The following HAO2 variants were observed in gnomAD, a reference collection of about 807,000 sequenced individuals.
The protein encoded by HAO2 is 2-Hydroxyacid oxidase 2.
A neutral mutation model predicts 37.4 loss-of-function variants in HAO2; 42 were observed. The observed-to-expected ratio is 1.12, with a 90% CI of 0.88 to 1.45. HAO2 has a LOEUF of 1.45. HAO2 is among the 40% of genes most tolerant of loss of function. The probability of loss-of-function intolerance (pLI) is 0.00; values close to 1 mark genes in which losing one functional copy is unlikely to be tolerated. For synonymous variants in HAO2, 180 were observed against 162.8 expected, an observed-to-expected ratio of 1.11 and a Z score of -0.81; for missense variants, 476 against 430.2, an observed-to-expected ratio of 1.11 and a Z score of -0.94.
chr1:119,370,591 T>G (rs587716425), intron 1 of HAO2, among the ~76,000 whole-genome samples: 1 of 152,342 alleles, frequency 6.6e-6, no homozygotes, highest in South Asian at 2.1e-4. Context: ...AAATAAATTT[T>G]GCACAGAACC....
intron 1 of HAO2, among the ~76,000 whole-genome samples, chr1:119,374,168 C>T (rs1649260431): frequency 6.6e-6 from 1 of 152,202 alleles, no homozygotes; most frequent in Admixed American, 6.5e-5. Flanking sequence ...CTCTCTTCCC[C>T]ATGCTGGGGG....
At chr1:119,389,154 A>G (rs193012557) in intron 5 of HAO2, among the ~76,000 whole-genome samples, 6,008 of 78,910 alleles carry the variant, frequency 0.076, 1,838 homozygotes, top group East Asian at 0.37. Flanking sequence ...ATATATATAT[A>G]TATATATATA....
At chr1:119,374,331 T>A (rs72989676) in intron 1 of HAO2, among the ~76,000 whole-genome samples, 2,999 of 152,294 alleles carry the variant, frequency 0.02, 106 homozygotes, top group African/African-American at 0.066. Flanking sequence ...CAGGGTCTCC[T>A]CTAGCTTCAG....
chr1:119,375,124 G>A (rs1649343372), intron 1 of HAO2, among the ~76,000 whole-genome samples: 1 of 151,582 alleles, frequency 6.6e-6, no homozygotes, highest in Admixed American at 6.6e-5. Context: ...TGGGCAGTAG[G>A]AATAAAAAAG....
intron 6 of HAO2, 154 bp downstream of exon 6, chr1:119,392,422 C>T (rs1650987553): frequency 1.4e-5 from 10 of 732,628 alleles, no homozygotes; most frequent in Non-Finnish European, 2.3e-5. Context: ...TTCTGAAGCC[C>T]ATTGCAAATG....
At chr1:119,388,315 C>T (rs1650553645) in intron 5 of HAO2, among the ~76,000 whole-genome samples, 2 of 152,158 alleles carry the variant, frequency 1.3e-5, no homozygotes, top group South Asian at 4.1e-4. Context: ...TGAAAGAAAG[C>T]TAATAAAATA....
chr1:119,376,984 C>A (rs1241704171), intron 1 of HAO2, among the ~76,000 whole-genome samples: 1 of 152,192 alleles, frequency 6.6e-6, no homozygotes, highest in Admixed American at 6.5e-5. Context: ...TTTGGCTCCT[C>A]GTTACATATG....
At chr1:119,385,634 G>GGA (rs1286502481) in intron 4 of HAO2, 56 of 985,162 alleles carry the variant, frequency 5.7e-5, no homozygotes, top group Non-Finnish European at 6.7e-5. Flanking sequence ...ACTACAAAGG[G>GGA]GACCTTCCCC....
chr1:119,379,931 C>T (rs1202509934), intron 1 of HAO2, among the ~76,000 whole-genome samples: 1 of 152,214 alleles, frequency 6.6e-6, no homozygotes, highest in Non-Finnish European at 1.5e-5. Flanking sequence ...CATCTGGCCT[C>T]TGTGTCCCCT....
At chr1:119,372,915 G>A (rs1311894030) in intron 1 of HAO2, among the ~76,000 whole-genome samples, 3 of 152,194 alleles carry the variant, frequency 2.0e-5, no homozygotes, top group African/African-American at 7.2e-5. Flanking sequence ...GTGTTTATGG[G>A]CAAAGAAAGC....
rs184743815 is a variant in HAO2 at position 119,372,344 on chromosome 1, G to A, written c.-9+3442G>A. On this transcript the variant is annotated intron_variant, in intron 1 of 7. Coordinates refer to ENST00000325945, the MANE Select transcript of HAO2 (RefSeq NM_016527.4). ...TAAGAAATGTTAAGATGCCTTTGAG[G>A]GTATTTTCAAAGGTTTTTGAAGTTC... is the stretch of plus-strand genomic sequence containing the variant. 7.9e-5 allele frequency among the ~76,000 whole-genome samples: 12 copies of A among 152,248 alleles called. No homozygotes were observed. The East Asian group carries it at 1.9e-3, about 24-fold the overall frequency.
In HAO2 at chr1:119,394,117, A is replaced by G; in HGVS notation, c.*277A>G. ...GTAAAAGATCTCAAAAGGACAGATC[A>G]TTAATGACTGGAACCACTAGTGGGT... On this transcript the variant is annotated 3_prime_UTR_variant, in exon 8 of 8. Coordinates refer to ENST00000325945, the MANE Select transcript of HAO2 (RefSeq NM_016527.4). The G allele has an allele frequency of 9.4e-7, 1 of 1,064,274 alleles. No homozygotes were observed. Among genetic ancestry groups the G allele is most frequent in the Non-Finnish European group, 1.2e-6 (1 of 819,970 alleles). 65.9% of individuals were successfully genotyped at this position (1,064,274 alleles called of 1,614,324 possible). A position where few individuals can be genotyped will look rare whatever the true frequency, so the allele number is the denominator to read the frequency against.
intron 1 of HAO2, among the ~76,000 whole-genome samples, chr1:119,370,815 A>G (rs938272689): frequency 1.3e-5 from 2 of 151,798 alleles, no homozygotes; most frequent in Admixed American, 1.3e-4. Context: ...AAAAAACTGC[A>G]CTCCATAGCT....
At chr1:119,386,556 A>G in intron 4 of HAO2, 66 bp from the exon 5 acceptor site, 1 of 974,230 alleles carries the variant, frequency 1.0e-6, no homozygotes, top group Admixed American at 1.7e-5. Context: ...AATGTGTCTC[A>G]TCTTTGGAAT....
At chr1:119,386,563 G>A (rs1285339534) in intron 4 of HAO2, 59 bp from the exon 5 acceptor site, 3 of 1,016,898 alleles carry the variant, frequency 3.0e-6, no homozygotes, top group Non-Finnish European at 3.1e-6. Flanking sequence ...CTCATCTTTG[G>A]AATGCATCAA....
chr1:119,388,213 T>C (rs1650543121), intron 5 of HAO2, among the ~76,000 whole-genome samples: 1 of 152,166 alleles, frequency 6.6e-6, no homozygotes. Context: ...GAGCATAGCA[T>C]GCCCTGGGTC....
At position 119,393,983 on chromosome 1, in the gene HAO2, A is replaced by C; in HGVS notation, c.*143A>C. 1 of 1,496,198 alleles carries C rather than the reference A, an allele frequency of 6.7e-7. No homozygotes were observed. Among genetic ancestry groups the C allele is most frequent in the South Asian group, 1.3e-5 (1 of 78,754 alleles). The allele number at this position is 1,496,198 out of a possible 1,614,324, so 92.7% of individuals were successfully genotyped here. A position where few individuals can be genotyped will look rare whatever the true frequency, so the allele number is the denominator to read the frequency against. On this transcript the variant is annotated 3_prime_UTR_variant, in exon 8 of 8. Coordinates refer to ENST00000325945, the MANE Select transcript of HAO2 (RefSeq NM_016527.4). ...TATTTCCCACATTTCTAATACCACC[A>C]CCCCTGTGCTTCAGGCCCTCCAAAC...
chr1:119,372,748 A>T (rs1455819684), intron 1 of HAO2, among the ~76,000 whole-genome samples: 1 of 152,228 alleles, frequency 6.6e-6, no homozygotes, highest in East Asian at 1.9e-4. Context: ...AAAGACCTCC[A>T]GGCTGGGGAG....
chr1:119,372,714 G>A (rs1252743369), intron 1 of HAO2, among the ~76,000 whole-genome samples: 4 of 152,202 alleles, frequency 2.6e-5, no homozygotes, highest in Non-Finnish European at 4.4e-5. Flanking sequence ...GTGGTGCCAC[G>A]GGACCAGAAA....
Sources: gnomAD v4.1 joint callset for allele counts (sites outside exome capture counted in the v4.1 genomes callset) on GRCh38, gnomAD v4.1.1 for gene constraint, MANE v1.5 for transcripts, NCBI Gene and HGNC (gene_info 2026-07-23, HGNC 2026-07-21) for gene names.